Variants in ARHGAP26 observed in about 807,000 individuals in gnomAD.
ARHGAP26 encodes the protein rho GTPase-activating protein 26.
A neutral mutation model predicts 104.8 loss-of-function variants in ARHGAP26; 38 were observed. The ratio of observed to expected loss-of-function variants is 0.36; its 90% CI spans 0.28 to 0.48. The LOEUF (loss-of-function observed/expected upper bound fraction) is 0.48. ARHGAP26 is among the 20% of genes least tolerant of loss of function. The pLI is 0.99. For missense variants in ARHGAP26, 704 were observed against 947.9 expected (o/e 0.74, Z 3.38); for synonymous variants, 341 against 340.0 (o/e 1.00, Z -0.03).
intron 11 of ARHGAP26, among the ~76,000 whole-genome samples, chr5:142,978,727 A>T (rs2152723225): frequency 1.3e-5 from 2 of 148,786 alleles, no homozygotes; most frequent in South Asian, 4.3e-4. Flanking sequence ...CTGGAGCTTT[A>T]TGTCAAGAAA....
chr5:142,950,876 G>C (rs1488640246), intron 11 of ARHGAP26, among the ~76,000 whole-genome samples: 4 of 152,182 alleles, frequency 2.6e-5, no homozygotes, highest in African/African-American at 9.7e-5. Context: ...TGCAAACCAA[G>C]TTACTCCTGT....
chr5:142,838,571 C>A (rs140639149), intron 1 of ARHGAP26, among the ~76,000 whole-genome samples: 34 of 152,316 alleles, frequency 2.2e-4, no homozygotes, highest in African/African-American at 7.9e-4. Flanking sequence ...CTTTTATCAT[C>A]TTGGACAATA....
chr5:143,159,671 A>C (rs1800949001), intron 20 of ARHGAP26, among the ~76,000 whole-genome samples: 1 of 152,198 alleles, frequency 6.6e-6, no homozygotes, highest in Admixed American at 6.5e-5. Context: ...GAAGCCTCCC[A>C]AGTGATTTTG....
At chr5:143,204,838 T>A (rs1452465881) in intron 20 of ARHGAP26, among the ~76,000 whole-genome samples, 1 of 152,182 alleles carries the variant, frequency 6.6e-6, no homozygotes, top group Non-Finnish European at 1.5e-5. Context: ...GACTTTTTAA[T>A]TGTCCTGTGG....
At chr5:143,084,590 A>T (rs1790278601) in intron 17 of ARHGAP26, among the ~76,000 whole-genome samples, 1 of 152,172 alleles carries the variant, frequency 6.6e-6, no homozygotes, top group Admixed American at 6.5e-5. Context: ...TGCCCTCTCC[A>T]GCGTGGCATA....
intron 9 of ARHGAP26, among the ~76,000 whole-genome samples, chr5:142,911,219 C>T (rs765434700): frequency 2.0e-5 from 3 of 152,138 alleles, no homozygotes; most frequent in South Asian, 2.1e-4. Context: ...GATTGAAACC[C>T]TTCTTTATTT....
intron 22 of ARHGAP26, among the ~76,000 whole-genome samples, chr5:143,218,703 T>C (rs1810725245): frequency 6.6e-6 from 1 of 152,200 alleles, no homozygotes; most frequent in African/African-American, 2.4e-5. Flanking sequence ...TCAGGCAGCT[T>C]GTGGCAACAC....
chr5:142,894,457 C>T, intron 6 of ARHGAP26, 109 bp downstream of exon 6: 1 of 956,034 alleles, frequency 1.0e-6, no homozygotes, highest in Non-Finnish European at 1.6e-6. Flanking sequence ...TTGAGCAGCC[C>T]TGACACTGTC....
chr5:143,006,321 T>G (rs865982895), intron 11 of ARHGAP26, among the ~76,000 whole-genome samples: 3,408 of 150,230 alleles, frequency 0.023, 70 homozygotes, highest in Middle Eastern at 0.048. Flanking sequence ...TTTTTCTTTT[T>G]TTTTTTTTTT....
intron 12 of ARHGAP26, among the ~76,000 whole-genome samples, chr5:143,034,338 A>G (rs1047198554): frequency 3.9e-5 from 6 of 152,218 alleles, no homozygotes; most frequent in African/African-American, 1.2e-4. Flanking sequence ...CAAAAAGTGG[A>G]AATGGCCCAA....
rs1027270297 is a variant in ARHGAP26 at position 143,219,370 on chromosome 5, C to T, written c.2192-2988C>T. ...TGTTAGCTTGTATCATTATAATTCA[C>T]GAGGCAGAAGGGAGTTACTGAAGGT... On this transcript the variant is annotated intron_variant, in intron 22 of 22. Transcript: ENST00000645722. 5.3e-5 allele frequency among the ~76,000 whole-genome samples: 8 copies of T among 152,244 alleles called. No individual in the cohort carries two copies. In the South Asian group the frequency reaches 1.5e-3, roughly 28 times the overall value.
At chr5:143,176,515 C>G (rs1283115340) in intron 20 of ARHGAP26, among the ~76,000 whole-genome samples, 1 of 152,212 alleles carries the variant, frequency 6.6e-6, no homozygotes, top group African/African-American at 2.4e-5. Context: ...TTCCTGGGAG[C>G]ACCACCTCCA....
intron 17 of ARHGAP26, among the ~76,000 whole-genome samples, chr5:143,070,775 T>G (rs1259077253): frequency 6.6e-6 from 1 of 152,100 alleles, no homozygotes; most frequent in Non-Finnish European, 1.5e-5. Flanking sequence ...CCGGGCATGG[T>G]GGTGTGCACC....
Position 142,968,288 on chromosome 5 carries a change from G to A in ARHGAP26, c.1107+36163G>A, listed in dbSNP as rs192089386. On this transcript the variant is annotated intron_variant, in intron 11 of 22. Transcript: ENST00000645722. ...AATTTGAACCCAGAGCATCTGGTAT[G>A]AGAGCCAGTGCTCTTCTCCACTGTT... 1.6e-3 allele frequency among the ~76,000 whole-genome samples: 246 copies of A among 152,350 alleles called. 1 individual carries two copies. The highest frequency in any genetic ancestry group is 2.7e-3 in the Admixed American group (41 of 15,308).
chr5:143,066,681 G>A (rs1382213483), intron 17 of ARHGAP26, among the ~76,000 whole-genome samples: 1 of 152,190 alleles, frequency 6.6e-6, no homozygotes, highest in Non-Finnish European at 1.5e-5. Flanking sequence ...AAACCCTGAG[G>A]GCTGGATGCT....
Position 142,873,386 on chromosome 5 carries a change from C to T in ARHGAP26, c.155-14C>T. The T allele has an allele frequency of 6.3e-7, 1 of 1,587,726 alleles. No individual in the cohort carries two copies. Among genetic ancestry groups the T allele is most frequent in the Admixed American group, 1.9e-5 (1 of 53,290 alleles). On this transcript the variant is annotated splice_polypyrimidine_tract_variant and intron_variant, in intron 1 of 22. Transcript: ENST00000645722. ...TTTAGTAATTCCTGATTTTTCCTGT[C>T]TTTTTCTTGCTAGATTTGTCTTCAG...
intron 1 of ARHGAP26, among the ~76,000 whole-genome samples, chr5:142,801,518 C>T (rs1762069802): frequency 6.6e-6 from 1 of 151,890 alleles, no homozygotes; most frequent in Non-Finnish European, 1.5e-5. Flanking sequence ...ACATAAAAAC[C>T]CCAATCATCT....
chr5:142,839,655 C>CA (rs1184303829), intron 1 of ARHGAP26, among the ~76,000 whole-genome samples: 1 of 151,860 alleles, frequency 6.6e-6, no homozygotes, highest in Non-Finnish European at 1.5e-5. Flanking sequence ...TTTTCAAAAC[C>CA]AAAAAAGTTC....
At chr5:143,043,014 C>T (rs952951018) in intron 14 of ARHGAP26, among the ~76,000 whole-genome samples, 1 of 152,102 alleles carries the variant, frequency 6.6e-6, no homozygotes, top group Non-Finnish European at 1.5e-5. Flanking sequence ...GATTTACATT[C>T]GGTTGTAAGA....
Sources: allele counts gnomAD v4.1 joint callset (sites outside exome capture counted in the v4.1 genomes callset), GRCh38; gene constraint gnomAD v4.1.1; transcripts MANE v1.5; gene names NCBI Gene and HGNC (gene_info 2026-07-23, HGNC 2026-07-21).